The following BRCA1 variants were observed in gnomAD, a reference collection of about 807,000 sequenced individuals.
BRCA1 encodes breast cancer type 1 susceptibility protein.
In BRCA1, 140 loss-of-function variants were observed where a neutral mutation model predicts 173.7. That is an observed-to-expected ratio of 0.81 (90% CI 0.70 to 0.93). BRCA1 has a LOEUF of 0.93. BRCA1 is among the 40% of genes least tolerant of loss of function. The pLI, the probability that BRCA1 is intolerant of heterozygous loss-of-function variation, is 0.00. For missense variants in BRCA1, 1,983 were observed against 2,172.5 expected, an observed-to-expected ratio of 0.91 and a Z score of 1.73; for synonymous variants, 662 against 756.0, an observed-to-expected ratio of 0.88 and a Z score of 2.04.
At chr17:43,071,760 T>A (rs2052455075) in intron 14 of BRCA1, among the ~76,000 whole-genome samples, 2 of 152,114 alleles carry the variant, frequency 1.3e-5, no homozygotes, top group South Asian at 2.1e-4. Context: ...TCCCAGCACT[T>A]TGGGAGGCCG....
At position 43,044,390 on chromosome 17, in the gene BRCA1, T is replaced by TGG. The variant is rs755411080; in HGVS notation, c.*1286_*1287dup. Reference sequence around the variant, plus strand: ...TCAAGTCTTCACTGCCCTTGCACACTGGGGGGGCTAGGGAAGACCTAGTCC... The same window carrying TGG: ...TCAAGTCTTCACTGCCCTTGCACACTGGGGGGGGGCTAGGGAAGACCTAGTCC... On this transcript the variant is annotated 3_prime_UTR_variant, in exon 23 of 23. Coordinates refer to ENST00000357654, the MANE Select transcript of BRCA1 (RefSeq NM_007294.4). 14 of 506,568 alleles carry TGG rather than the reference T, an allele frequency of 2.8e-5. No homozygotes were observed. Among genetic ancestry groups the TGG allele is most frequent in the East Asian group, 8.8e-5 (2 of 22,672 alleles). 31.4% of individuals were successfully genotyped at this position (506,568 alleles called of 1,614,324 possible). A position where few individuals can be genotyped will look rare whatever the true frequency, so the allele number is the denominator to read the frequency against.
At chr17:43,109,265 G>C (rs188039922) in intron 3 of BRCA1, among the ~76,000 whole-genome samples, 1 of 152,230 alleles carries the variant, frequency 6.6e-6, no homozygotes, top group Admixed American at 6.5e-5. Flanking sequence ...CCAACGTGCT[G>C]GGATTACAGG....
upstream of BRCA1, among the ~76,000 whole-genome samples, chr17:43,129,552 C>T (rs866629720): frequency 2.0e-5 from 3 of 152,082 alleles, no homozygotes; most frequent in East Asian, 1.9e-4. Context: ...TAGTGCACTG[C>T]GAACTCTGTC....
At chr17:43,095,724 C>G in intron 9 of BRCA1, 122 bp downstream of exon 9, 1 of 824,648 alleles carries the variant, frequency 1.2e-6, no homozygotes, top group South Asian at 1.5e-5. Flanking sequence ...GATACTCTAA[C>G]TCTGCCAAGA....
At chr17:43,145,547 C>T (rs1338519534) in intron 1 of BRCA1, among the ~76,000 whole-genome samples, 6 of 152,078 alleles carry the variant, frequency 3.9e-5, no homozygotes, top group Admixed American at 2.0e-4. Flanking sequence ...AGGATGGTCT[C>T]GATCTCCTGA....
intron 1 of BRCA1, chr17:43,161,452 T>C (rs1246357979): frequency 3.3e-5 from 5 of 152,124 alleles, no homozygotes; most frequent in Non-Finnish European, 7.3e-5. Context: ...TTATGGACAG[T>C]AGGAAGAAAG....
chr17:43,104,767 C>G (rs1338612756), intron 5 of BRCA1, 101 bp downstream of exon 5: 1 of 1,062,878 alleles, frequency 9.4e-7, no homozygotes, highest in Non-Finnish European at 1.5e-6. Flanking sequence ...TTAACCTAGA[C>G]TAAAAGGTCT....
chr17:43,140,232 A>C (rs1189655020), intron 1 of BRCA1: 1 of 253,860 alleles, frequency 3.9e-6, no homozygotes, highest in Admixed American at 4.9e-5. Flanking sequence ...CCAACTCCAC[A>C]AGGACCCTTC....
intron 1 of BRCA1, among the ~76,000 whole-genome samples, chr17:43,156,857 G>A (rs889566085): frequency 3.3e-5 from 5 of 152,218 alleles, no homozygotes; most frequent in Non-Finnish European, 5.9e-5. Flanking sequence ...AATGAATGTT[G>A]AAGGAAGACT....
intron 22 of BRCA1, among the ~76,000 whole-genome samples, chr17:43,046,811 G>T (rs1184029677): frequency 6.6e-6 from 1 of 151,014 alleles, no homozygotes; most frequent in Non-Finnish European, 1.5e-5. Flanking sequence ...CTCTGAAGAG[G>T]CCCTAGGAGT....
intron 3 of BRCA1, among the ~76,000 whole-genome samples, chr17:43,109,312 T>C (rs918250961): frequency 7.2e-5 from 11 of 152,160 alleles, no homozygotes; most frequent in African/African-American, 2.7e-4. Context: ...TTCATTTTTA[T>C]AGAGTAGAGG....
At chr17:43,084,364 C>T (rs1282246736) in intron 11 of BRCA1, among the ~76,000 whole-genome samples, 1 of 151,930 alleles carries the variant, frequency 6.6e-6, no homozygotes, top group Non-Finnish European at 1.5e-5. Flanking sequence ...CGGGGTTTCA[C>T]CATGTTGGCC....
chr17:43,166,922 G>A (rs1202882153), intron 1 of BRCA1: 2 of 152,152 alleles, frequency 1.3e-5, no homozygotes, highest in East Asian at 3.8e-4. Context: ...CACGCCATGG[G>A]TGATCAGGCC....
intron 11 of BRCA1, among the ~76,000 whole-genome samples, chr17:43,086,681 A>G (rs2053243204): frequency 6.6e-6 from 1 of 152,250 alleles, no homozygotes; most frequent in South Asian, 2.1e-4. Context: ...AGTATGGCTA[A>G]GGCAGATGTA....
chr17:43,104,746 C>T (rs1273662903), intron 5 of BRCA1, 122 bp downstream of exon 5: 6 of 858,694 alleles, frequency 7.0e-6, no homozygotes, highest in South Asian at 5.6e-5. Flanking sequence ...ATTACAGATA[C>T]AGAACTAAAA....
Position 43,093,689 on chromosome 17 carries a change from C to T in BRCA1, c.1842G>A (p.Lys614=), listed in dbSNP as rs760109939. Residue 614 remains lysine, a synonymous_variant, in exon 10 of 23, where the codon AAG becomes AAA. Coordinates refer to ENST00000357654, the MANE Select transcript of BRCA1 (RefSeq NM_007294.4). ...KAPKKNRLRR[K]SSTRHIHALE... ...GCGCATGAATATGCCTGGTAGAAGACTTCCTCCTCAGCCTATTCTTTTTAG... is the reference window on the plus strand; with the variant it reads ...GCGCATGAATATGCCTGGTAGAAGATTTCCTCCTCAGCCTATTCTTTTTAG... The T allele has an allele frequency of 1.9e-6, 3 of 1,614,000 alleles. No individual in the cohort carries two copies. Among genetic ancestry groups the T allele is most frequent in the Admixed American group, 1.7e-5 (1 of 59,996 alleles).
At chr17:43,084,031 ATTTTT>A (rs571319167) in intron 11 of BRCA1, among the ~76,000 whole-genome samples, 18 of 123,314 alleles carry the variant, frequency 1.5e-4, no homozygotes, top group African/African-American at 5.5e-4. Context: ...TGCCCGACTA[ATTTTT>A]TTTTTTTTTT....
chr17:43,093,119 C>G lies in BRCA1; in HGVS notation c.2412G>C (p.Gln804His), dbSNP rs55746541. The G allele has an allele frequency of 6.3e-5, 101 of 1,613,486 alleles. No homozygotes were observed. Among genetic ancestry groups the G allele is most frequent in the Middle Eastern group, 1.6e-4 (1 of 6,084 alleles). ...AKTEPNKCVS[Q>H]CAAFENPKGL... is the part of the protein sequence containing the mutation. ...CCTTGGGGTTTTCAAATGCTGCACA[C>G]TGACTCACACATTTATTTGGTTCTG... The change falls in exon 10 of 23, where the codon CAG becomes CAC. Residue 804 changes from glutamine (Q) to histidine (H), a missense_variant. Physicochemically the swap from Gln to His is conservative, Grantham distance 24. Coordinates refer to ENST00000357654, the MANE Select transcript of BRCA1 (RefSeq NM_007294.4).
At chr17:43,140,904 C>T (rs1183276002) in intron 1 of BRCA1, among the ~76,000 whole-genome samples, 2 of 152,214 alleles carry the variant, frequency 1.3e-5, no homozygotes, top group African/African-American at 4.8e-5. Flanking sequence ...CCTAATCAGA[C>T]ATCGCCTTAT....
Sources: gnomAD v4.1 joint callset for allele counts (sites outside exome capture counted in the v4.1 genomes callset) on GRCh38, gnomAD v4.1.1 for gene constraint, MANE v1.5 for transcripts, NCBI Gene and HGNC (gene_info 2026-07-23, HGNC 2026-07-21) for gene names.